VPS53: variants seen among roughly 807,000 people sequenced by gnomAD.
The protein encoded by VPS53 is vacuolar protein sorting-associated protein 53 homolog.
Under a neutral mutation model 107.0 loss-of-function variants are expected in VPS53, and 70 were observed. The observed-to-expected ratio is 0.65, with a 90% CI of 0.54 to 0.80. VPS53 has a LOEUF of 0.80. Ranked by LOEUF, VPS53 falls within the 30% of genes least tolerant of loss-of-function variation. The probability of loss-of-function intolerance (pLI) is 0.00; values close to 1 mark genes in which losing one functional copy is unlikely to be tolerated. For synonymous variants in VPS53, 409 were observed against 393.3 expected, an observed-to-expected ratio of 1.04 and a Z score of -0.47; for missense variants, 917 against 1,049.4, an observed-to-expected ratio of 0.87 and a Z score of 1.74.
At chr17:700,553 A>G (rs1162974457) in intron 2 of VPS53, among the ~76,000 whole-genome samples, 1 of 151,926 alleles carries the variant, frequency 6.6e-6, no homozygotes, top group Non-Finnish European at 1.5e-5. Context: ...CTCTGTCTCA[A>G]AAAAAAATAT....
chr17:586,398 G>A, intron 12 of VPS53, 34 bp from the exon 13 acceptor site: 1 of 1,589,690 alleles, frequency 6.3e-7, no homozygotes, highest in Non-Finnish European at 8.6e-7. Context: ...CCCCATACTT[G>A]AGTGATCTTT....
chr17:665,160 G>A (rs906236625), intron 4 of VPS53, among the ~76,000 whole-genome samples: 2 of 152,212 alleles, frequency 1.3e-5, no homozygotes, highest in African/African-American at 2.4e-5. Context: ...GCATTATCTC[G>A]GGAGTGGGTT....
intron 13 of VPS53, among the ~76,000 whole-genome samples, chr17:565,246 A>T (rs988301784): frequency 6.6e-6 from 1 of 151,730 alleles, no homozygotes. Context: ...CACTAAAAAC[A>T]CAAAAAATTA....
Position 671,642 on chromosome 17 carries a change from G to A in VPS53, c.286-9747C>T, listed in dbSNP as rs902652888. ...CCGCATGCGAAATCTTCCTTTCACC[G>A]TGTTTCTACAGAGTCTGCTGTCCAA... On this transcript the variant is annotated intron_variant, in intron 4 of 21. Coordinates refer to ENST00000437048, the MANE Select transcript of VPS53 (RefSeq NM_001128159.3). Among the ~76,000 whole-genome samples the A allele has an allele frequency of 3.6e-4, 54 of 151,758 alleles. 1 individual carries two copies. Among genetic ancestry groups the A allele is most frequent in the African/African-American group, 1.3e-3 (52 of 41,272 alleles).
intron 11 of VPS53, among the ~76,000 whole-genome samples, chr17:621,707 C>A (rs995651779): frequency 6.6e-6 from 1 of 152,028 alleles, no homozygotes; most frequent in South Asian, 2.1e-4. Flanking sequence ...ACGGGTTACT[C>A]GTATTTTCCT....
chr17:587,211 C>A (rs1468512241), intron 12 of VPS53, among the ~76,000 whole-genome samples: 1 of 152,078 alleles, frequency 6.6e-6, no homozygotes, highest in Non-Finnish European at 1.5e-5. Context: ...TATAGGCACA[C>A]GCCACCACAC....
At chr17:537,245 G>T (rs561471328) in intron 17 of VPS53, 69 bp from the exon 18 acceptor site, 14 of 1,554,834 alleles carry the variant, frequency 9.0e-6, no homozygotes, top group South Asian at 2.4e-5. Flanking sequence ...ACTGGGGAAG[G>T]GAGGGGCTGG....
At chr17:559,826 G>A (rs763934374) in intron 15 of VPS53, among the ~76,000 whole-genome samples, 6 of 152,354 alleles carry the variant, frequency 3.9e-5, no homozygotes, top group Non-Finnish European at 5.9e-5. Context: ...GTTTAAGGCT[G>A]AATCAAAGGT....
In VPS53 at chr17:692,774, G is replaced by A. The variant is rs535019104; in HGVS notation, c.285+4644C>T. 2.6e-3 allele frequency among the ~76,000 whole-genome samples: 398 copies of A among 152,262 alleles called. 2 individuals are homozygous for A. Among genetic ancestry groups the A allele is most frequent in the African/African-American group, 9.1e-3 (379 of 41,532 alleles). The stretch of plus-strand genomic sequence containing the variant: ...TCCCAGCACTTTGGGAGGCCGAGGC[G>A]GGCGGACCACAAGGTCAGGAGTTTG... On this transcript the variant is annotated intron_variant, in intron 4 of 21. Coordinates refer to ENST00000437048, the MANE Select transcript of VPS53 (RefSeq NM_001128159.3).
At chr17:669,225 C>T (rs1488944415) in intron 4 of VPS53, among the ~76,000 whole-genome samples, 1 of 152,086 alleles carries the variant, frequency 6.6e-6, no homozygotes, top group Non-Finnish European at 1.5e-5. Flanking sequence ...ACAAAAATAC[C>T]TTCACTACCT....
At chr17:630,248 C>T (rs1234461218) in intron 8 of VPS53, among the ~76,000 whole-genome samples, 1 of 151,234 alleles carries the variant, frequency 6.6e-6, no homozygotes, top group Non-Finnish European at 1.5e-5. Flanking sequence ...GCTGAGATCA[C>T]ACCATTGCAC....
At chr17:581,489 C>A (rs1388859422) in intron 13 of VPS53, among the ~76,000 whole-genome samples, 4 of 151,814 alleles carry the variant, frequency 2.6e-5, no homozygotes, top group Admixed American at 6.6e-5. Flanking sequence ...TAATGCGTTC[C>A]CAAAGAAGCT....
intron 13 of VPS53, among the ~76,000 whole-genome samples, chr17:577,663 A>T (rs985089415): frequency 6.6e-6 from 1 of 151,854 alleles, no homozygotes; most frequent in Non-Finnish European, 1.5e-5. Flanking sequence ...ATGCATTTCG[A>T]GGCAACCTCC....
At chr17:681,798 C>T (rs188121730) in intron 4 of VPS53, among the ~76,000 whole-genome samples, 4 of 151,790 alleles carry the variant, frequency 2.6e-5, no homozygotes, top group Admixed American at 6.5e-5. Flanking sequence ...TCCTCACAGA[C>T]GGCATCTTCT....
At chr17:525,889 C>G (rs929107730) in intron 19 of VPS53, among the ~76,000 whole-genome samples, 1 of 146,166 alleles carries the variant, frequency 6.8e-6, no homozygotes, top group Non-Finnish European at 1.5e-5. Context: ...CCCAGCTACT[C>G]GGGAGGCTGA....
intron 12 of VPS53, among the ~76,000 whole-genome samples, 163 bp from the exon 13 acceptor site, chr17:586,527 G>A (rs1967328008): frequency 6.6e-6 from 1 of 152,192 alleles, no homozygotes; most frequent in Non-Finnish European, 1.5e-5. Flanking sequence ...GGCAGGTGAA[G>A]AAAAACCAGC....
chr17:668,170 C>T (rs190735196), intron 4 of VPS53, among the ~76,000 whole-genome samples: 1 of 152,238 alleles, frequency 6.6e-6, no homozygotes, highest in East Asian at 1.9e-4. Flanking sequence ...ATAGCTGAGC[C>T]AATCATCCAT....
chr17:685,252 G>A (rs182492744), intron 4 of VPS53: 27 of 152,298 alleles, frequency 1.8e-4, no homozygotes, highest in African/African-American at 6.0e-4. Context: ...TCCCTGCAGT[G>A]ACCCAGGTGT....
At chr17:630,285 C>T (rs1969897990) in intron 8 of VPS53, among the ~76,000 whole-genome samples, 1 of 151,180 alleles carries the variant, frequency 6.6e-6, no homozygotes, top group Admixed American at 6.6e-5. Flanking sequence ...GAGTGAAACT[C>T]CGTCAAAAAA....
Sources: allele counts gnomAD v4.1 joint callset (sites outside exome capture counted in the v4.1 genomes callset), GRCh38; gene constraint gnomAD v4.1.1; transcripts MANE v1.5; gene names NCBI Gene and HGNC (gene_info 2026-07-23, HGNC 2026-07-21).